PABIR2: variants seen among roughly 807,000 people sequenced by gnomAD.
The protein encoded by PABIR2 is family with sequence similarity 122B.
Under a neutral mutation model 22.8 loss-of-function variants are expected in PABIR2, and 7 were observed. The ratio of observed to expected loss-of-function variants is 0.31; its 90% CI spans 0.17 to 0.58. The LOEUF is 0.58. Ranked by LOEUF, PABIR2 falls within the 20% of genes least tolerant of loss-of-function variation. The pLI, the probability that PABIR2 is intolerant of heterozygous loss-of-function variation, is 0.89. For synonymous variants in PABIR2, 67 were observed against 73.8 expected, an observed-to-expected ratio of 0.91 and a Z score of 0.47; for missense variants, 155 against 205.1, an observed-to-expected ratio of 0.76 and a Z score of 1.49.
intron 2 of PABIR2, chrX:134,791,774 G>A (rs930768281): frequency 1.8e-5 from 5 of 276,264 alleles, no homozygotes; most frequent in Non-Finnish European, 3.4e-5. Flanking sequence ...CACTGGAAGC[G>A]GACAGAATCT....
chrX:134,788,591 T>C (rs2079450549), intron 6 of PABIR2, 139 bp downstream of exon 6: 1 of 285,450 alleles, frequency 3.5e-6, no homozygotes, highest in Non-Finnish European at 6.2e-6. Context: ...TATATGTATA[T>C]TTTCCAAATT....
intron 9 of PABIR2, among the ~76,000 whole-genome samples, chrX:134,777,255 G>A (rs112002202): frequency 4.5e-5 from 5 of 112,229 alleles, no homozygotes; most frequent in African/African-American, 1.6e-4. Flanking sequence ...GCCTGGGTGC[G>A]GTGGCTCATG....
intron 2 of PABIR2, among the ~76,000 whole-genome samples, chrX:134,793,172 G>C (rs2079601266): frequency 8.9e-6 from 1 of 112,038 alleles, no homozygotes; most frequent in South Asian, 3.7e-4. Flanking sequence ...TCTGTGCACA[G>C]ACTATGGAAA....
chrX:134,769,766 A>T lies in PABIR2; in HGVS notation c.*2373T>A, dbSNP rs2078810732. The T allele has an allele frequency of 8.9e-6, 1 of 112,015 alleles. No individual in the cohort carries two copies. Among genetic ancestry groups the T allele is most frequent in the Non-Finnish European group, 1.9e-5 (1 of 53,177 alleles). 9.2% of individuals were successfully genotyped at this position (112,015 alleles called of 1,213,427 possible). On this transcript the variant is annotated 3_prime_UTR_variant, in exon 10 of 10. Transcript: ENST00000343004. ...CTGTTTTCAAATAGAAGCCTGAAAT[A>T]TATGATATATATTAGAATAGGAAGA...
rs1031250170 is a variant in PABIR2, at chrX:134,796,970, G to A, written c.-765C>T. The A allele has an allele frequency of 8.9e-6, 1 of 112,195 alleles. No individual in the cohort carries two copies. The highest frequency in any genetic ancestry group is 1.9e-5 in the Non-Finnish European group (1 of 53,069). 9.2% of individuals were successfully genotyped at this position (112,195 alleles called of 1,213,427 possible). A position where few individuals can be genotyped will look rare whatever the true frequency, so the allele number is the denominator to read the frequency against. ...CGGTCCCGGAGGCTCCTCAGCCCTGGGATCGGTGCTTCTCCCCTCCCTGCC... is the reference window on the plus strand; with the variant it reads ...CGGTCCCGGAGGCTCCTCAGCCCTGAGATCGGTGCTTCTCCCCTCCCTGCC... On this transcript the variant is annotated 5_prime_UTR_variant, in exon 1 of 10. Transcript: ENST00000343004.
chrX:134,772,219 T>G lies in PABIR2; in HGVS notation c.724A>C (p.Ser242Arg). 8.3e-7 allele frequency: 1 copy of G among 1,207,486 alleles called. No homozygotes were observed. Residue 242 changes from serine to arginine, a missense_variant, in exon 10 of 10, where the codon AGC (serine) becomes CGC (arginine). Physicochemically the swap from Ser to Arg is moderately radical, Grantham distance 110. Coordinates refer to ENST00000343004, the MANE Select transcript of PABIR2 (RefSeq NM_001387468.1). Reference protein sequence around the residue: ...GLSSDPLAKGSATAESPVACS... With the variant: ...GLSSDPLAKGRATAESPVACS... ...GCTACTGGAGACTCTGCGGTAGCGC[T>G]GCCTTTAGCCAGCGGGTCTGAGGAT... is the stretch of plus-strand genomic sequence containing the variant.
intron 6 of PABIR2, 46 bp from the exon 7 acceptor site, chrX:134,787,579 T>C: frequency 1.0e-6 from 1 of 998,617 alleles, no homozygotes; most frequent in Non-Finnish European, 1.4e-6. Context: ...ATATTCAATA[T>C]TAAAATAGTT....
Position 134,794,254 on chromosome X carries a change from G to A in PABIR2, c.99-361C>T, listed in dbSNP as rs2079636042. 2.7e-5 allele frequency among the ~76,000 whole-genome samples: 3 copies of A among 111,462 alleles called. No homozygotes were observed. The South Asian group carries it at 1.1e-3, about 42-fold the overall frequency. Reference sequence around the variant, plus strand: ...TCTGTTTACCCCAGAGAACCAATGAGTACTGTTTTCTGTGTTTGCCATGAT... The same window carrying A: ...TCTGTTTACCCCAGAGAACCAATGAATACTGTTTTCTGTGTTTGCCATGAT... On this transcript the variant is annotated intron_variant, in intron 1 of 9. Coordinates refer to ENST00000343004, the MANE Select transcript of PABIR2 (RefSeq NM_001387468.1).
At chrX:134,783,934 A>ATGG (rs1258867376) in intron 8 of PABIR2, among the ~76,000 whole-genome samples, 2 of 106,795 alleles carry the variant, frequency 1.9e-5, no homozygotes, top group African/African-American at 3.4e-5. Context: ...TTAGCTGGCC[A>ATGG]TGGTGGTGTA....
At chrX:134,791,642 A>G in intron 2 of PABIR2, 1 of 331,223 alleles carries the variant, frequency 3.0e-6, no homozygotes, top group Non-Finnish European at 5.9e-6. Flanking sequence ...ACCATTGGGG[A>G]GAAATGCCAT....
intron 9 of PABIR2, among the ~76,000 whole-genome samples, chrX:134,780,351 G>A (rs772462428): frequency 4.5e-5 from 5 of 112,043 alleles, no homozygotes; most frequent in African/African-American, 1.6e-4. Context: ...CGAGGTGGGC[G>A]GATCACCTGA....
intron 2 of PABIR2, 122 bp downstream of exon 2, chrX:134,793,693 T>A (rs1049387617): frequency 2.3e-6 from 2 of 875,639 alleles, no homozygotes; most frequent in Middle Eastern, 2.7e-4. Context: ...GTAAACAACA[T>A]AGGTAAAATC....
intron 3 of PABIR2, 127 bp from the exon 4 acceptor site, chrX:134,789,393 A>G: frequency 1.1e-6 from 1 of 914,459 alleles, no homozygotes; most frequent in Non-Finnish European, 1.6e-6. Flanking sequence ...TTTCTACCTC[A>G]TTGACATAAT....
chrX:134,791,585 G>A, intron 2 of PABIR2: 2 of 327,409 alleles, frequency 6.1e-6, no homozygotes, highest in South Asian at 5.3e-5. Context: ...AAGATAGAGA[G>A]GAGATGATAG....
At position 134,776,801 on chromosome X, in the gene PABIR2, G is replaced by A. The variant is rs2078989998; in HGVS notation, c.660-4518C>T. On this transcript the variant is annotated intron_variant, in intron 9 of 9. Coordinates refer to ENST00000343004, the MANE Select transcript of PABIR2 (RefSeq NM_001387468.1). ...AAAGCCATCTCTCCTTTTGTTGGGT[G>A]GGGCAGGGAATAGACTATAAATATT... Among the ~76,000 whole-genome samples, 3 of 111,753 alleles carry A rather than the reference G, an allele frequency of 2.7e-5. No individual in the cohort carries two copies. The Admixed American group carries it at 2.9e-4, about 11-fold the overall frequency.
At chrX:134,796,065 G>A (rs1288961789) in intron 1 of PABIR2, 43 bp downstream of exon 1, 4 of 1,120,232 alleles carry the variant, frequency 3.6e-6, no homozygotes, top group Non-Finnish European at 4.9e-6. Flanking sequence ...TGGGGGCAAG[G>A]AGCCCCTGAA....
chrX:134,787,610 CTTTTTTTTT>C, intron 6 of PABIR2, 77 bp from the exon 7 acceptor site: 7 of 294,069 alleles, frequency 2.4e-5, no homozygotes, highest in South Asian at 1.9e-4. Context: ...AGTTTTCTTT[CTTTTTTTTT>C]TTTTTTTTTT....
chrX:134,788,970 A>C, intron 5 of PABIR2, 115 bp downstream of exon 5: 12 of 1,047,507 alleles, frequency 1.1e-5, no homozygotes, highest in Non-Finnish European at 1.6e-5. Flanking sequence ...ATCAAAAAAC[A>C]AGTATCAATT....
chrX:134,791,706 G>GGT (rs2079553678), intron 2 of PABIR2: 1 of 325,874 alleles, frequency 3.1e-6, no homozygotes, highest in African/African-American at 2.7e-5. Flanking sequence ...ACACAAGATA[G>GGT]GTGTCTGTCT....
Sources: gnomAD v4.1 joint callset for allele counts (sites outside exome capture counted in the v4.1 genomes callset) on GRCh38, gnomAD v4.1.1 for gene constraint, MANE v1.5 for transcripts, NCBI Gene and HGNC (gene_info 2026-07-23, HGNC 2026-07-21) for gene names.